Variants in CNIH3 observed in about 807,000 individuals in gnomAD.
The protein encoded by CNIH3 is cornichon family AMPA receptor auxiliary protein 3, also known as protein cornichon homolog 3.
Under a neutral mutation model 24.1 loss-of-function variants are expected in CNIH3, and 14 were observed. The ratio of observed to expected loss-of-function variants is 0.58; its 90% CI spans 0.38 to 0.91. The LOEUF (loss-of-function observed/expected upper bound fraction) is 0.91. CNIH3 is among the 40% of genes least tolerant of loss of function. The pLI is 0.00. For missense variants in CNIH3, 178 were observed against 196.8 expected (o/e 0.90, Z 0.57); for synonymous variants, 68 against 73.8 (o/e 0.92, Z 0.40).
intron 1 of CNIH3, among the ~76,000 whole-genome samples, chr1:224,465,057 G>A (rs920511243): frequency 3.3e-5 from 5 of 151,990 alleles, no homozygotes; most frequent in African/African-American, 1.2e-4. Flanking sequence ...GCCACCTAAA[G>A]TGCTGAGATT....
At chr1:224,508,071 A>T (rs990077949) in intron 1 of CNIH3, among the ~76,000 whole-genome samples, 3 of 152,174 alleles carry the variant, frequency 2.0e-5, no homozygotes, top group African/African-American at 7.2e-5. Context: ...TCCATTTGAG[A>T]CTGCTATTTT....
chr1:224,441,437 C>G (rs1674908561), intron 1 of CNIH3, among the ~76,000 whole-genome samples: 1 of 152,182 alleles, frequency 6.6e-6, no homozygotes, highest in Non-Finnish European at 1.5e-5. Flanking sequence ...AAAGGCATTC[C>G]TATTTATTAA....
At chr1:224,716,539 T>C (rs1295348805) in intron 3 of CNIH3, among the ~76,000 whole-genome samples, 1 of 152,058 alleles carries the variant, frequency 6.6e-6, no homozygotes, top group African/African-American at 2.4e-5. Context: ...GAATGGGGGT[T>C]TTGGGGGCTG....
Position 224,597,198 on chromosome 1 carries a change from C to A in CNIH3, n.402+30934C>A, listed in dbSNP as rs941238846. 2.0e-5 allele frequency among the ~76,000 whole-genome samples: 3 copies of A among 151,682 alleles called. No individual in the cohort carries two copies. The East Asian group carries it at 5.8e-4, about 29-fold the overall frequency. On this transcript the variant is annotated intron_variant and non_coding_transcript_variant, in intron 3 of 7. Transcript: ENST00000478120. Reference sequence around the variant, plus strand: ...ACAAAAAAAAAAACAAAAACCAAACCAAACAAAACAAAACAGAATCTCTAA... The same window carrying A: ...ACAAAAAAAAAAACAAAAACCAAACAAAACAAAACAAAACAGAATCTCTAA...
At chr1:224,538,346 G>A (rs961770735), downstream of CNIH3, among the ~76,000 whole-genome samples, 5 of 152,180 alleles carry the variant, frequency 3.3e-5, no homozygotes, top group African/African-American at 1.2e-4. Flanking sequence ...TCTCAGGAAT[G>A]TGGTAGTTTT....
chr1:224,457,017 T>C (rs1273106416), intron 1 of CNIH3, among the ~76,000 whole-genome samples: 2 of 152,156 alleles, frequency 1.3e-5, no homozygotes, highest in Non-Finnish European at 2.9e-5. Flanking sequence ...AAGGGTGGTG[T>C]AACTGCCCCT....
chr1:224,579,153 G>T (rs1681165589), intron 4 of CNIH3, among the ~76,000 whole-genome samples: 1 of 150,400 alleles, frequency 6.6e-6, no homozygotes, highest in Non-Finnish European at 1.5e-5. Context: ...TTGCCCTTGA[G>T]ATATTCATCT....
chr1:224,561,730 C>A (rs1024705384), intron 3 of CNIH3, among the ~76,000 whole-genome samples: 1 of 152,232 alleles, frequency 6.6e-6, no homozygotes, highest in Non-Finnish European at 1.5e-5. Flanking sequence ...CCTATGCATG[C>A]TCTCTCCCTC....
chr1:224,655,109 A>G (rs1260031451), intron 1 of CNIH3, among the ~76,000 whole-genome samples: 1 of 152,158 alleles, frequency 6.6e-6, no homozygotes, highest in Non-Finnish European at 1.5e-5. Context: ...TGAAGCTGTT[A>G]CCACCCCTGG....
chr1:224,662,880 G>T (rs534404197), intron 1 of CNIH3, among the ~76,000 whole-genome samples: 1 of 152,146 alleles, frequency 6.6e-6, no homozygotes, highest in Non-Finnish European at 1.5e-5. Flanking sequence ...AGTGAAGCCT[G>T]TGAACCAAAA....
At chr1:224,454,473 C>G (rs1188087603) in intron 1 of CNIH3, 3 of 302,000 alleles carry the variant, frequency 9.9e-6, no homozygotes, top group East Asian at 3.4e-4. Context: ...TGGTCCCGTC[C>G]CTGAAGCTTG....
chr1:224,464,464 C>T lies in CNIH3; in HGVS notation n.203+29602C>T, dbSNP rs77701337. Among the ~76,000 whole-genome samples the T allele has an allele frequency of 2.4e-3, 373 of 152,256 alleles. 3 individuals are homozygous for T. The highest frequency in any genetic ancestry group is 4.7e-3 in the Non-Finnish European group (320 of 68,016). On this transcript the variant is annotated intron_variant and non_coding_transcript_variant, in intron 1 of 5. Coordinates refer to the CNIH3 transcript ENST00000471578. ...TAATTTTTGAATAGGTAATACTTTT[C>T]CGTGCCTGGCTTTAAGCTAATTTTT...
At chr1:224,709,619 A>G (rs1273364580) in intron 3 of CNIH3, among the ~76,000 whole-genome samples, 1 of 152,174 alleles carries the variant, frequency 6.6e-6, no homozygotes, top group Non-Finnish European at 1.5e-5. Flanking sequence ...GCAGGAGTAG[A>G]GAAAGAGGAT....
intron 1 of CNIH3, among the ~76,000 whole-genome samples, chr1:224,510,596 C>CAAAAA (rs777592587): frequency 7.0e-4 from 66 of 93,938 alleles, no homozygotes; most frequent in African/African-American, 1.9e-3. Flanking sequence ...GACCCTGTCT[C>CAAAAA]AAAAAAAAAA....
chr1:224,515,243 G>A (rs915263749), upstream of CNIH3, among the ~76,000 whole-genome samples: 7 of 152,182 alleles, frequency 4.6e-5, no homozygotes, highest in Non-Finnish European at 1.0e-4. Flanking sequence ...TGTTGAGTAT[G>A]CACTCCCAGC....
chr1:224,518,670 C>T (rs1678496840), intron 1 of CNIH3, among the ~76,000 whole-genome samples: 1 of 152,156 alleles, frequency 6.6e-6, no homozygotes, highest in Non-Finnish European at 1.5e-5. Flanking sequence ...CTCTTCTAGA[C>T]CCCCTCTTAC....
intron 1 of CNIH3, among the ~76,000 whole-genome samples, chr1:224,440,025 T>A (rs1008837016): frequency 7.2e-5 from 11 of 152,250 alleles, no homozygotes; most frequent in Admixed American, 5.9e-4. Context: ...CCTGACCTCG[T>A]GATCTGCCCG....
rs769175763 is a variant in CNIH3 at position 224,478,362 on chromosome 1, C to T, written n.204-37379C>T. 5.7e-4 allele frequency among the ~76,000 whole-genome samples: 86 copies of T among 152,064 alleles called. 1 individual carries two copies. The highest frequency in any genetic ancestry group is 5.2e-4 in the Admixed American group (8 of 15,250). ...TGCTTCATTCTTTTTTATTTTGTCT[C>T]CTCCGTGTATTTTCAAATAGCTTCT... On this transcript the variant is annotated intron_variant and non_coding_transcript_variant, in intron 1 of 5. Coordinates refer to the CNIH3 transcript ENST00000471578.
At chr1:224,501,525 A>AT (rs199941125) in intron 1 of CNIH3, among the ~76,000 whole-genome samples, 286 of 92,798 alleles carry the variant, frequency 3.1e-3, no homozygotes, top group Middle Eastern at 0.013. Flanking sequence ...ATATATATAT[A>AT]TTTTTTTTTT....
Sources: allele counts gnomAD v4.1 joint callset (sites outside exome capture counted in the v4.1 genomes callset), GRCh38; gene constraint gnomAD v4.1.1; transcripts MANE v1.5; gene names NCBI Gene and HGNC (gene_info 2026-07-23, HGNC 2026-07-21).